The following EXD2 variants were observed in gnomAD, a reference collection of about 807,000 sequenced individuals.
EXD2 encodes exonuclease 3'-5' domain containing 2.
EXD2 carries 40 observed loss-of-function variants against 62.5 expected under a neutral mutation model. The ratio of observed to expected loss-of-function variants is 0.64; its 90% confidence interval spans 0.50 to 0.83. The LOEUF is 0.83. Among genes scored for constraint, EXD2 ranks in the 40% least tolerant of loss-of-function variants. The pLI, the probability that EXD2 is intolerant of heterozygous loss-of-function variation, is 0.00. For missense variants in EXD2, 671 were observed against 761.8 expected (o/e 0.88, Z 1.40); for synonymous variants, 239 against 291.9 (o/e 0.82, Z 1.85).
chr14:69,222,405 C>CT (rs1566830894), intron 3 of EXD2, among the ~76,000 whole-genome samples: 1 of 152,174 alleles, frequency 6.6e-6, no homozygotes, highest in South Asian at 2.1e-4. Context: ...AATCTGACAT[C>CT]TTTCCATATT....
chr14:69,192,243 C>A (rs2042054899), intron 1 of EXD2, among the ~76,000 whole-genome samples: 2 of 152,176 alleles, frequency 1.3e-5, no homozygotes, highest in African/African-American at 4.8e-5. Flanking sequence ...ATGATTCCAA[C>A]ATTCAAACTC....
intron 9 of EXD2, 25 bp downstream of exon 9, chr14:69,237,956 T>C (rs377185239): frequency 6.6e-7 from 1 of 1,523,012 alleles, no homozygotes. Flanking sequence ...AATTGTGGAA[T>C]GTACCAGGGA....
chr14:69,224,631 T>A (rs945469882), intron 3 of EXD2, among the ~76,000 whole-genome samples: 23 of 151,914 alleles, frequency 1.5e-4, no homozygotes, highest in African/African-American at 2.2e-4. Flanking sequence ...ATATTTTTTT[T>A]AAATGCAAAT....
At chr14:69,222,986 T>C (rs1259333787) in intron 3 of EXD2, among the ~76,000 whole-genome samples, 1 of 152,220 alleles carries the variant, frequency 6.6e-6, no homozygotes, top group Non-Finnish European at 1.5e-5. Context: ...CAACTGTTAC[T>C]GGATTGCCCA....
chr14:69,204,410 G>T (rs1382585881), intron 2 of EXD2, among the ~76,000 whole-genome samples: 1 of 151,984 alleles, frequency 6.6e-6, no homozygotes, highest in Non-Finnish European at 1.5e-5. Flanking sequence ...ATCTCTACAA[G>T]AAATCAAAAA....
rs770953408 is a variant in EXD2 at position 69,237,669 on chromosome 14, C to T, written c.1387C>T (p.His463Tyr). The T allele has an allele frequency of 3.5e-5, 57 of 1,614,118 alleles. No individual in the cohort carries two copies. Among genetic ancestry groups the T allele is most frequent in the Non-Finnish European group, 3.0e-5 (35 of 1,180,046 alleles). ...TGTGCTGCTGCTCTGCACCTCCTGCCATGCCATTTCCAACTACTATGACAA... is the reference window on the plus strand; with the variant it reads ...TGTGCTGCTGCTCTGCACCTCCTGCTATGCCATTTCCAACTACTATGACAA... ...HDVLLLCTSC[H>Y]AISNYYDNHL... Residue 463 changes from histidine (H) to tyrosine (Y), a missense_variant, in exon 9 of 10, where the codon CAT (histidine) becomes TAT (tyrosine). Transcript: ENST00000685843.
At chr14:69,230,063 C>T (rs754259926) in intron 4 of EXD2, among the ~76,000 whole-genome samples, 2 of 152,144 alleles carry the variant, frequency 1.3e-5, no homozygotes, top group Non-Finnish European at 2.9e-5. Flanking sequence ...TTCTTTGGCA[C>T]CAGCTCCCCA....
chr14:69,213,084 C>CTTTTTTTTTTTT (rs71102636), intron 3 of EXD2, among the ~76,000 whole-genome samples: 2 of 126,606 alleles, frequency 1.6e-5, no homozygotes, highest in East Asian at 2.3e-4. Flanking sequence ...TTCTTCTTTT[C>CTTTTTTTTTTTT]TTTTTTTTTT....
chr14:69,232,829 A>G (rs1424616021), intron 5 of EXD2, among the ~76,000 whole-genome samples: 22 of 152,192 alleles, frequency 1.4e-4, no homozygotes, highest in Admixed American at 1.3e-3. Flanking sequence ...AGTATTTTCT[A>G]CCATTGGTTG....
rs1200773552 is a variant in EXD2 at position 69,236,389 on chromosome 14, G to A, written c.1157-18G>A. The A allele has an allele frequency of 1.2e-6, 2 of 1,614,052 alleles. No homozygotes were observed. Among genetic ancestry groups the A allele is most frequent in the African/African-American group, 2.7e-5 (2 of 75,020 alleles). On this transcript the variant is annotated intron_variant, in intron 7 of 9. Transcript: ENST00000685843. Reference sequence around the variant, plus strand: ...GGGGCAGGGGGAGCAGTCAAACACTGATGTCTCTTCTCTTAAGAGCTGGTG... The same window carrying A: ...GGGGCAGGGGGAGCAGTCAAACACTAATGTCTCTTCTCTTAAGAGCTGGTG...
rs187382026 is a variant in EXD2 at position 69,224,969 on chromosome 14, G to A, written c.334-3847G>A. Among the ~76,000 whole-genome samples, 13 of 152,106 alleles carry A rather than the reference G, an allele frequency of 8.5e-5. No individual in the cohort carries two copies. The East Asian group carries it at 1.5e-3, about 18-fold the overall frequency. On this transcript the variant is annotated intron_variant, in intron 3 of 9. Transcript: ENST00000685843. Reference sequence around the variant, plus strand: ...ACTCCAGCCTGGCAACAGAGACTCCGTCTCAAAAAAAAAGAATAAAACGCA... The same window carrying A: ...ACTCCAGCCTGGCAACAGAGACTCCATCTCAAAAAAAAAGAATAAAACGCA...
At chr14:69,229,565 T>C (rs887149583) in intron 4 of EXD2, among the ~76,000 whole-genome samples, 1 of 152,148 alleles carries the variant, frequency 6.6e-6, no homozygotes, top group Non-Finnish European at 1.5e-5. Flanking sequence ...ACCACTCCCA[T>C]TGTAACCCTG....
At chr14:69,203,455 C>G (rs2042476480) in intron 1 of EXD2, among the ~76,000 whole-genome samples, 1 of 152,070 alleles carries the variant, frequency 6.6e-6, no homozygotes, top group South Asian at 2.1e-4. Flanking sequence ...AGGCCTTGGC[C>G]AGGAGAGTCT....
At chr14:69,227,155 T>C (rs2043391877) in intron 3 of EXD2, among the ~76,000 whole-genome samples, 1 of 152,186 alleles carries the variant, frequency 6.6e-6, no homozygotes, top group Non-Finnish European at 1.5e-5. Flanking sequence ...CATTGTAGGA[T>C]GTTTAGCAGC....
intron 1 of EXD2, among the ~76,000 whole-genome samples, chr14:69,201,988 TCTCTTAATAATACCCCAA>T (rs1447206144): frequency 6.6e-6 from 1 of 152,020 alleles, no homozygotes; most frequent in African/African-American, 2.4e-5. Flanking sequence ...AGCCATGTTT[TCTCTTAATAATACCCCAA>T]CTCGGCCAGG....
chr14:69,205,696 C>A (rs985755595), intron 2 of EXD2, among the ~76,000 whole-genome samples: 5 of 151,918 alleles, frequency 3.3e-5, no homozygotes, highest in Non-Finnish European at 7.4e-5. Context: ...AGGGACTGAT[C>A]TTCCATGGTA....
intron 1 of EXD2, among the ~76,000 whole-genome samples, chr14:69,202,192 CA>C (rs1293932595): frequency 6.6e-6 from 1 of 151,932 alleles, no homozygotes; most frequent in Non-Finnish European, 1.5e-5. Context: ...AGCAACCTGG[CA>C]AAACCCCGTT....
chr14:69,195,073 C>T (rs534546363), intron 1 of EXD2, among the ~76,000 whole-genome samples: 10 of 152,224 alleles, frequency 6.6e-5, no homozygotes, highest in South Asian at 6.2e-4. Flanking sequence ...AAAAATTAGC[C>T]GGGCGTGATG....
At position 69,241,661 on chromosome 14, in the gene EXD2, T is replaced by C. The variant is rs78980450; in HGVS notation, c.*561T>C. On this transcript the variant is annotated 3_prime_UTR_variant, in exon 10 of 10. Transcript: ENST00000685843. ...TTGGGATCCATCCCATCTGGGTCAC[T>C]TCAGTCTACTTCACGTACTTGAAAA... The C allele has an allele frequency of 3.1e-3, 1,204 of 392,160 alleles. 12 individuals are homozygous for C. Among genetic ancestry groups the C allele is most frequent in the African/African-American group, 0.023 (1,116 of 48,612 alleles). 24.3% of individuals were successfully genotyped at this position (392,160 alleles called of 1,614,324 possible). A position where few individuals can be genotyped will look rare whatever the true frequency, so the allele number is the denominator to read the frequency against.
Sources: gnomAD v4.1 joint callset for allele counts (sites outside exome capture counted in the v4.1 genomes callset) on GRCh38, gnomAD v4.1.1 for gene constraint, MANE v1.5 for transcripts, NCBI Gene and HGNC (gene_info 2026-07-23, HGNC 2026-07-21) for gene names.